The following CDCP1 variants were observed in gnomAD, a reference collection of about 807,000 sequenced individuals.
The protein encoded by CDCP1 is CUB domain-containing protein 1.
CDCP1 carries 29 observed loss-of-function variants against 60.2 expected under a neutral mutation model. That is an observed-to-expected ratio of 0.48 (90% confidence interval 0.36 to 0.66). The LOEUF is 0.66. Among genes scored for constraint, CDCP1 ranks in the 30% least tolerant of loss-of-function variants. The pLI is 0.00. For missense variants in CDCP1, 876 were observed against 1,074.3 expected, an observed-to-expected ratio of 0.82 and a Z score of 2.58; for synonymous variants, 387 against 431.1, an observed-to-expected ratio of 0.90 and a Z score of 1.27.
rs912079049 is a variant in CDCP1, at chr3:45,093,176, C to T, written c.1627+101G>A. ...GCAAGGACCAGCATATTGAGCTATC[C>T]CTTCTTTCCAAACTGGCAACTTAAT... On this transcript the variant is annotated intron_variant, in intron 6 of 8. Transcript: ENST00000296129. The T allele has an allele frequency of 3.0e-6, 4 of 1,354,030 alleles. No homozygotes were observed. The African/African-American group carries it at 4.4e-5, about 15-fold the overall frequency. The allele number at this position is 1,354,030 out of a possible 1,614,324, so 83.9% of individuals were successfully genotyped here.
Position 45,084,667 on chromosome 3 carries a change from G to T in CDCP1, c.*971C>A, listed in dbSNP as rs575658747. ...TTTTCATTCAGGGACATCCATTTTG[G>T]AATTCTGATCCCCAGGACTATAAGC... On this transcript the variant is annotated 3_prime_UTR_variant, in exon 9 of 9. Coordinates refer to ENST00000296129, the MANE Select transcript of CDCP1 (RefSeq NM_022842.5). The T allele has an allele frequency of 6.5e-6, 1 of 152,722 alleles. No individual in the cohort carries two copies. Among genetic ancestry groups the T allele is most frequent in the African/African-American group, 2.4e-5 (1 of 41,556 alleles). 9.5% of individuals were successfully genotyped at this position (152,722 alleles called of 1,614,324 possible).
chr3:45,127,446 C>T (rs1699022465), intron 1 of CDCP1, among the ~76,000 whole-genome samples: 1 of 152,170 alleles, frequency 6.6e-6, no homozygotes, highest in Non-Finnish European at 1.5e-5. Flanking sequence ...TAGAACAAAG[C>T]ACTGGGAATG....
chr3:45,106,594 T>C (rs569738887), intron 4 of CDCP1, among the ~76,000 whole-genome samples: 4 of 152,112 alleles, frequency 2.6e-5, no homozygotes, highest in Non-Finnish European at 5.9e-5. Flanking sequence ...GAAAGAGCAA[T>C]AAGACAAGAT....
intron 5 of CDCP1, among the ~76,000 whole-genome samples, chr3:45,094,386 C>T (rs139083617): frequency 3.9e-5 from 6 of 151,976 alleles, no homozygotes; most frequent in East Asian, 1.9e-4. Flanking sequence ...ACACCATGCC[C>T]GGCTAATTTT....
At chr3:45,131,238 A>G (rs1699088728) in intron 1 of CDCP1, among the ~76,000 whole-genome samples, 1 of 151,558 alleles carries the variant, frequency 6.6e-6, no homozygotes, top group East Asian at 1.9e-4. Context: ...TAGAAAAGGG[A>G]AAAAAGCACC....
chr3:45,095,456 T>C lies in CDCP1; in HGVS notation c.1137A>G (p.Glu379=), dbSNP rs1219631454. ...TGAGGTTGCTACTGCAGGTCCGAGA[T>C]TCTAGACACACGAAACAGCCAGGGA... is the stretch of plus-strand genomic sequence containing the variant. ...KFVPGCFVCL[E]SRTCSSNLTL... is the part of the protein sequence containing the mutation. The change falls in exon 5 of 9, where the codon GAA becomes GAG. Residue 379 remains glutamate (E), a synonymous_variant. Coordinates refer to ENST00000296129, the MANE Select transcript of CDCP1 (RefSeq NM_022842.5). 5.6e-6 allele frequency: 9 copies of C among 1,614,206 alleles called. No homozygotes were observed. Among genetic ancestry groups the C allele is most frequent in the Middle Eastern group, 1.6e-4 (1 of 6,062 alleles).
intron 4 of CDCP1, among the ~76,000 whole-genome samples, chr3:45,106,406 G>A (rs1698566085): frequency 6.6e-6 from 1 of 152,122 alleles, no homozygotes; most frequent in Admixed American, 6.5e-5. Flanking sequence ...CCACCACCAA[G>A]CAGCTGCTCT....
chr3:45,093,414 G>A lies in CDCP1; in HGVS notation c.1490C>T (p.Ser497Phe), dbSNP rs374678265. Reference protein sequence around the residue: ...AIPSQDLYFGSFCPGGSIKQI... With the variant: ...AIPSQDLYFGFFCPGGSIKQI... ...CTTGATAGAGCCTCCCGGGCAGAAGGAGCCGAAGTACAGGTCCTGGCTGGG... is the reference window on the plus strand; with the variant it reads ...CTTGATAGAGCCTCCCGGGCAGAAGAAGCCGAAGTACAGGTCCTGGCTGGG... The change falls in exon 6 of 9, where the codon TCC (serine) becomes TTC (phenylalanine). Residue 497 changes from serine to phenylalanine, a missense_variant. Physicochemically the swap from Ser to Phe is radical, Grantham distance 155. Coordinates refer to ENST00000296129, the MANE Select transcript of CDCP1 (RefSeq NM_022842.5). The A allele has an allele frequency of 9.9e-6, 16 of 1,614,054 alleles. No individual in the cohort carries two copies. The highest frequency in any genetic ancestry group is 1.1e-5 in the South Asian group (1 of 91,082).
chr3:45,104,223 G>C (rs1156654668), intron 4 of CDCP1, among the ~76,000 whole-genome samples: 1 of 152,200 alleles, frequency 6.6e-6, no homozygotes, highest in African/African-American at 2.4e-5. Context: ...TGATTCTGGG[G>C]GCAAGACAGA....
Position 45,110,537 on chromosome 3 carries a change from G to C in CDCP1, c.960C>G (p.Ala320=), listed in dbSNP as rs369277754. 13 of 1,614,156 alleles carry C rather than the reference G, an allele frequency of 8.1e-6. No individual in the cohort carries two copies. The highest frequency in any genetic ancestry group is 1.0e-5 in the Non-Finnish European group (12 of 1,180,014). The change falls in exon 4 of 9, where the codon GCC becomes GCG. Residue 320 remains alanine, a synonymous_variant. Coordinates refer to ENST00000296129, the MANE Select transcript of CDCP1 (RefSeq NM_022842.5). ...GCAGCCGGAGGATCCCTGGACTTTG[G>C]GCATCTTGGTCACAGCCTTGCAGAG... ...NLSLQGCDQD[A]QSPGILRLQF...
chr3:45,138,163 G>A (rs766635678), intron 1 of CDCP1, among the ~76,000 whole-genome samples: 1 of 152,200 alleles, frequency 6.6e-6, no homozygotes, highest in Admixed American at 6.5e-5. Context: ...TTGGCTACCA[G>A]GAAATTCATG....
At chr3:45,116,403 T>C (rs1698790870) in intron 2 of CDCP1, among the ~76,000 whole-genome samples, 2 of 141,730 alleles carry the variant, frequency 1.4e-5, no homozygotes, top group African/African-American at 2.7e-5. Flanking sequence ...TGAGGAGCCA[T>C]AGTGTTCCGT....
intron 2 of CDCP1, 71 bp from the exon 3 acceptor site, chr3:45,112,516 C>T: frequency 6.4e-7 from 1 of 1,560,134 alleles, no homozygotes; most frequent in Non-Finnish European, 8.7e-7. Context: ...TCCTCCACCA[C>T]TCAGCCCCCT....
intron 4 of CDCP1, 52 bp downstream of exon 4, chr3:45,110,421 A>C: frequency 6.3e-7 from 1 of 1,592,872 alleles, no homozygotes; most frequent in South Asian, 1.1e-5. Flanking sequence ...ACTACCCAGG[A>C]AACAACGAAG....
At chr3:45,110,441 G>A in intron 4 of CDCP1, 32 bp downstream of exon 4, 1 of 1,608,136 alleles carries the variant, frequency 6.2e-7, no homozygotes, top group Non-Finnish European at 8.5e-7. Flanking sequence ...GGTGCTGGAG[G>A]AGGAAGAAAA....
Position 45,084,990 on chromosome 3 carries a change from A to C in CDCP1, c.*648T>G, listed in dbSNP as rs547964853. 1 of 152,686 alleles carries C rather than the reference A, an allele frequency of 6.5e-6. No homozygotes were observed. Among genetic ancestry groups the C allele is most frequent in the Non-Finnish European group, 1.5e-5 (1 of 68,118 alleles). 9.5% of individuals were successfully genotyped at this position (152,686 alleles called of 1,614,324 possible). Reference sequence around the variant, plus strand: ...CTCTTATCAAAGCAGATATGTGTCAATGCTGCTCAAACACACACATTCTTT... The same window carrying C: ...CTCTTATCAAAGCAGATATGTGTCACTGCTGCTCAAACACACACATTCTTT... On this transcript the variant is annotated 3_prime_UTR_variant, in exon 9 of 9. Transcript: ENST00000296129.
intron 4 of CDCP1, among the ~76,000 whole-genome samples, chr3:45,106,422 G>C (rs935438040): frequency 2.1e-4 from 32 of 152,230 alleles, no homozygotes; most frequent in African/African-American, 7.2e-4. Context: ...GCTCTCATGG[G>C]TGCCCCACTT....
chr3:45,093,590 G>A lies in CDCP1; in HGVS notation c.1314C>T (p.His438=), dbSNP rs769237815. ...AGAAGTCATGCAGCTCCACAGGCAG[G>A]TGGAGGATGTCACTGGGCACCTGGA... ...YSLQVPSDIL[H]LPVELHDFSW... The change falls in exon 6 of 9, where the codon CAC becomes CAT. Residue 438 remains histidine, a synonymous_variant. Transcript: ENST00000296129. The A allele has an allele frequency of 8.7e-6, 14 of 1,614,238 alleles. No individual in the cohort carries two copies. In the South Asian group the frequency reaches 1.4e-4, roughly 16 times the overall value.
At chr3:45,101,614 C>T (rs572713547) in intron 4 of CDCP1, among the ~76,000 whole-genome samples, 2 of 152,214 alleles carry the variant, frequency 1.3e-5, no homozygotes, top group South Asian at 2.1e-4. Context: ...GTGCTGGGTG[C>T]AGTGGTTCAT....
Sources: gnomAD v4.1 joint callset for allele counts (sites outside exome capture counted in the v4.1 genomes callset) on GRCh38, gnomAD v4.1.1 for gene constraint, MANE v1.5 for transcripts, NCBI Gene and HGNC (gene_info 2026-07-23, HGNC 2026-07-21) for gene names.